The following MTMR4 variants were observed in gnomAD, a reference collection of about 807,000 sequenced individuals.
The protein encoded by MTMR4 is myotubularin related protein 4.
A neutral mutation model predicts 125.5 loss-of-function variants in MTMR4; 30 were observed. That is an observed-to-expected ratio of 0.24 (90% CI 0.18 to 0.32). The LOEUF is 0.32. MTMR4 is among the 10% of genes least tolerant of loss of function. The pLI is 1.00. For missense variants in MTMR4, 1,039 were observed against 1,511.5 expected, an observed-to-expected ratio of 0.69 and a Z score of 5.18; for synonymous variants, 498 against 564.5, an observed-to-expected ratio of 0.88 and a Z score of 1.67.
At chr17:58,492,473 C>G (rs770855503) in intron 17 of MTMR4, 38 bp downstream of exon 17, 9 of 1,479,498 alleles carry the variant, frequency 6.1e-6, no homozygotes, top group Non-Finnish European at 8.0e-6. Context: ...CTGGCCTGCC[C>G]TGTTTTTTGT....
chr17:58,503,716 AG>A, intron 14 of MTMR4, 27 bp downstream of exon 14: 1 of 1,596,780 alleles, frequency 6.3e-7, no homozygotes, highest in Non-Finnish European at 8.5e-7. Flanking sequence ...TAGTGGAGAG[AG>A]GAGAAAGGAA....
In MTMR4 at chr17:58,504,923, C is replaced by A. The variant is rs145546759; in HGVS notation, c.1197G>T (p.Met399Ile). ...TAGCCACCAGCACAGCTGCTTTTAG[C>A]ATCACCGACAAGTGCTGCAGCCATT... is the stretch of plus-strand genomic sequence containing the variant. ...STKWLQHLSV[M>I]LKAAVLVANT... The change falls in exon 11 of 18, where the codon ATG (methionine) becomes ATT (isoleucine). Residue 399 changes from methionine (M) to isoleucine (I), a missense_variant. Around this residue, in one of 6 missense-constraint regions of MTMR4, gnomAD observed 107 missense variants for 267.4 expected, o/e 0.40. Transcript: ENST00000682306. The surrounding 1 kb of genome is among the most constrained non-coding windows in gnomAD (Gnocchi z 7.1). The A allele has an allele frequency of 1.1e-5, 18 of 1,613,712 alleles. No individual in the cohort carries two copies. Among genetic ancestry groups the A allele is most frequent in the Non-Finnish European group, 1.2e-5 (14 of 1,179,850 alleles).
upstream of MTMR4, chr17:58,516,680 A>G: frequency 7.0e-7 from 1 of 1,421,948 alleles, no homozygotes; most frequent in Non-Finnish European, 9.9e-7. Context: ...TAGAATCAAC[A>G]AATGACACAC....
chr17:58,492,659 T>G, intron 16 of MTMR4, 60 bp from the exon 17 acceptor site: 1 of 1,522,548 alleles, frequency 6.6e-7, no homozygotes, highest in Non-Finnish European at 9.1e-7. Context: ...AGAGCAACAT[T>G]GCAATGAGGA....
At chr17:58,513,812 G>T (rs1029183732) in intron 1 of MTMR4, among the ~76,000 whole-genome samples, 3 of 152,010 alleles carry the variant, frequency 2.0e-5, no homozygotes, top group African/African-American at 7.2e-5. Flanking sequence ...GGGGAGGACC[G>T]GGAATGATGC....
In MTMR4 at chr17:58,512,510, T is replaced by C; in HGVS notation, c.136-4A>G. 1 of 1,611,022 alleles carries C rather than the reference T, an allele frequency of 6.2e-7. No homozygotes were observed. The highest frequency in any genetic ancestry group is 8.5e-7 in the Non-Finnish European group (1 of 1,177,296). ...CCTGCAGCACTGTGAAGGGGACCTG[T>C]CAAGGGGCAGAGAAACCTTCAGTCC... On this transcript the variant is annotated splice_polypyrimidine_tract_variant and splice_region_variant and intron_variant, in intron 2 of 17. Transcript: ENST00000682306. This position sits in a 1 kb window ranked among gnomAD's most constrained non-coding sequence, Gnocchi z 4.1.
rs199949441 is a variant in MTMR4, at chr17:58,495,634, A to T, written c.2550T>A (p.Asp850Glu). ...AGATACTTGCCACAGACCCTGAGGG[A>T]TCTTGGTTGAGGAAGTCAGTGCTTG... ...LDPSTDFLNQDPSGSVASISH... is the reference protein window; with the variant it reads ...LDPSTDFLNQEPSGSVASISH... Residue 850 changes from aspartate to glutamate, a missense_variant, in exon 15 of 18, where the codon GAT (aspartate) becomes GAA (glutamate). This residue lies in a region of MTMR4 where 619 missense variants were observed against 714.5 expected (regional missense o/e 0.87). Coordinates refer to ENST00000682306, the MANE Select transcript of MTMR4 (RefSeq NM_001378067.1). The T allele has an allele frequency of 3.5e-5, 56 of 1,613,838 alleles. No individual in the cohort carries two copies. Among genetic ancestry groups the T allele is most frequent in the Non-Finnish European group, 1.8e-5 (21 of 1,180,000 alleles).
At chr17:58,500,876 T>C (rs1355372923) in intron 14 of MTMR4, among the ~76,000 whole-genome samples, 1 of 151,940 alleles carries the variant, frequency 6.6e-6, no homozygotes, top group Non-Finnish European at 1.5e-5. Flanking sequence ...CAAAACCTAG[T>C]ACAGTAATAC....
chr17:58,495,301 G>A lies in MTMR4; in HGVS notation c.2883C>T (p.Pro961=), dbSNP rs753285375. The change falls in exon 15 of 18, where the codon CCC becomes CCT. Residue 961 remains proline, a synonymous_variant. Coordinates refer to ENST00000682306, the MANE Select transcript of MTMR4 (RefSeq NM_001378067.1). ...PNSKQMRATG[P]CFGGQWAQRE... ...TCTGAGCCCACTGGCCCCCAAAGCA[G>A]GGCCCTGTGGCCCGCATCTGCTTAC... 50 of 1,614,078 alleles carry A rather than the reference G, an allele frequency of 3.1e-5. No individual in the cohort carries two copies. Among genetic ancestry groups the A allele is most frequent in the Non-Finnish European group, 4.2e-5 (50 of 1,180,042 alleles).
At position 58,504,400 on chromosome 17, in the gene MTMR4, T is replaced by C; in HGVS notation, c.1430A>G (p.Gln477Arg). 6.2e-7 allele frequency: 1 copy of C among 1,614,154 alleles called. No homozygotes were observed. The highest frequency in any genetic ancestry group is 8.5e-7 in the Non-Finnish European group (1 of 1,180,020). The part of the protein sequence containing the change: ...RCGHQENVED[Q>R]NEQCPVFLQW... ...GAGGAACACAGGGCATTGTTCGTTT[T>C]GGTCCTCCACATTCTCTTGGTGGCC... is the stretch of plus-strand genomic sequence containing the variant. Residue 477 changes from glutamine to arginine, a missense_variant, in exon 12 of 18, where the codon CAA becomes CGA. Gln to Arg is a conservative substitution (Grantham distance 43). Around this residue, in one of 6 missense-constraint regions of MTMR4, gnomAD observed 107 missense variants for 267.4 expected, o/e 0.40. Transcript: ENST00000682306. The surrounding 1 kb of genome is among the most constrained non-coding windows in gnomAD (Gnocchi z 7.1).
At chr17:58,502,891 A>G (rs1975679600) in intron 14 of MTMR4, among the ~76,000 whole-genome samples, 1 of 152,230 alleles carries the variant, frequency 6.6e-6, no homozygotes, top group Non-Finnish European at 1.5e-5. Flanking sequence ...AAAACAAGAA[A>G]TAGGTATTAC....
At chr17:58,498,533 G>A (rs1226858387) in intron 14 of MTMR4, among the ~76,000 whole-genome samples, 1 of 87,544 alleles carries the variant, frequency 1.1e-5, no homozygotes, top group Non-Finnish European at 2.4e-5. Context: ...AGAAGCGGGG[G>A]AGGAGGGGGG....
chr17:58,507,458 C>A (rs1243670426), intron 7 of MTMR4, 139 bp from the exon 8 acceptor site: 1 of 665,270 alleles, frequency 1.5e-6, no homozygotes, highest in Non-Finnish European at 2.5e-6. Flanking sequence ...AAAGCCCCAA[C>A]GTCACTAGCA....
At chr17:58,502,469 A>C (rs1027902265) in intron 14 of MTMR4, among the ~76,000 whole-genome samples, 1 of 151,938 alleles carries the variant, frequency 6.6e-6, no homozygotes, top group African/African-American at 2.4e-5. Context: ...GTAATTTACA[A>C]ATTTTTAAAA....
chr17:58,504,966 G>A lies in MTMR4; in HGVS notation c.1154C>T (p.Ser385Leu), dbSNP rs376091953. The A allele has an allele frequency of 1.2e-5, 19 of 1,599,460 alleles. No individual in the cohort carries two copies. The highest frequency in any genetic ancestry group is 1.5e-5 in the Non-Finnish European group (18 of 1,171,504). The change falls in exon 11 of 18, where the codon TCG becomes TTG. Residue 385 changes from serine to leucine, a missense_variant. Transcript: ENST00000682306. This position sits in a 1 kb window ranked among gnomAD's most constrained non-coding sequence, Gnocchi z 7.1. ...SQMPDPSNWL[S>L]ALESTKWLQH... ...CAGCCATTTGGTACTCTCCAGTGCC[G>A]ACAACCAGCTACACAAAAGCAGACA...
At chr17:58,516,492 AAGGTCTAGGAC>A, upstream of MTMR4, 1 of 1,419,870 alleles carries the variant, frequency 7.0e-7, no homozygotes, top group South Asian at 1.1e-5. Flanking sequence ...CCTGGAGCTC[AAGGTCTAGGAC>A]AGGTGGGGCA....
rs1476538361 is a variant in MTMR4 at position 58,495,143 on chromosome 17, C to A, written c.3041G>T (p.Cys1014Phe). The stretch of plus-strand genomic sequence containing the variant: ...ATACAGAGGAGGCACTGGAGAAGGG[C>A]AGTTCAGTGGAACGGGCTTTGTGCT... ...VSSTKPVPLN[C>F]PSPVPPLYLD... Residue 1014 changes from cysteine (C) to phenylalanine (F), a missense_variant, in exon 15 of 18, where the codon TGC becomes TTC. By Grantham distance (205) the Cys-to-Phe change is radical. Around this residue, in one of 6 missense-constraint regions of MTMR4, gnomAD observed 619 missense variants for 714.5 expected, o/e 0.87. Transcript: ENST00000682306. 1.2e-6 allele frequency: 2 copies of A among 1,614,122 alleles called. No individual in the cohort carries two copies. The highest frequency in any genetic ancestry group is 3.3e-5 in the Admixed American group (2 of 60,012).
Position 58,490,337 on chromosome 17 carries a change from C to T in MTMR4, c.*1326G>A, listed in dbSNP as rs1000657806. 1 of 152,338 alleles carries T rather than the reference C, an allele frequency of 6.6e-6. No homozygotes were observed. The highest frequency in any genetic ancestry group is 1.5e-5 in the Non-Finnish European group (1 of 67,994). 9.4% of individuals were successfully genotyped at this position (152,338 alleles called of 1,614,324 possible). On this transcript the variant is annotated 3_prime_UTR_variant, in exon 18 of 18. Coordinates refer to ENST00000682306, the MANE Select transcript of MTMR4 (RefSeq NM_001378067.1). ...ATAGGCCAAGGAGACTGTATCTGTC[C>T]CACCCACAGTACATGGCTATATCAC... is the stretch of plus-strand genomic sequence containing the variant.
At chr17:58,518,347 T>A (rs2042051010), upstream of MTMR4, among the ~76,000 whole-genome samples, 1 of 152,080 alleles carries the variant, frequency 6.6e-6, no homozygotes, top group Non-Finnish European at 1.5e-5. Flanking sequence ...GGCACCTCAG[T>A]TTATCCATTC....
Sources: allele counts gnomAD v4.1 joint callset (sites outside exome capture counted in the v4.1 genomes callset), GRCh38; gene constraint gnomAD v4.1.1; regional missense constraint gnomAD v4.1.1; non-coding constraint Gnocchi (gnomAD v3.1); transcripts MANE v1.5; gene names NCBI Gene and HGNC (gene_info 2026-07-23, HGNC 2026-07-21).